The following ZNF475 variants were observed in gnomAD, a reference collection of about 807,000 sequenced individuals.
The protein encoded by ZNF475 is zinc finger protein 475.
the ZNF475 span, among the ~76,000 whole-genome samples, chr5:122,174,565 A>C: frequency 2.6e-5 from 4 of 152,172 alleles, no homozygotes; most frequent in Admixed American, 2.6e-4. Context: ...AGCTTTAGAA[A>C]ATGTAATATA....
chr5:122,160,671 G>C, the ZNF475 span, among the ~76,000 whole-genome samples: 2 of 152,164 alleles, frequency 1.3e-5, no homozygotes, highest in African/African-American at 4.8e-5. Flanking sequence ...ACTTCTGTGA[G>C]AGGAGAGAAT....
chr5:122,171,417 A>G, the ZNF475 span, among the ~76,000 whole-genome samples: 2 of 152,204 alleles, frequency 1.3e-5, no homozygotes, highest in Non-Finnish European at 2.9e-5. Context: ...GTAGACACGT[A>G]TATGTTTTCA....
chr5:122,160,667 G>A, the ZNF475 span, among the ~76,000 whole-genome samples: 138 of 152,260 alleles, frequency 9.1e-4, no homozygotes, highest in East Asian at 0.017. Context: ...TGTAACTTCT[G>A]TGAGAGGAGA....
chr5:122,176,454 C>A, the ZNF475 span, among the ~76,000 whole-genome samples: 3 of 152,076 alleles, frequency 2.0e-5, no homozygotes, highest in Non-Finnish European at 4.4e-5. Flanking sequence ...CTCTAAATTG[C>A]CTTTCTGTAT....
chr5:122,160,773 C>T, the ZNF475 span, among the ~76,000 whole-genome samples: 4 of 152,308 alleles, frequency 2.6e-5, no homozygotes, highest in East Asian at 3.9e-4. Context: ...AACTTAATTT[C>T]ATATGTCTTC....
At chr5:122,176,478 T>C in the ZNF475 span, among the ~76,000 whole-genome samples, 4 of 152,212 alleles carry the variant, frequency 2.6e-5, no homozygotes, top group Non-Finnish European at 5.9e-5. Context: ...TAAGTTTTAT[T>C]TGTACTCTGT....
chr5:122,182,626 C>G, the ZNF475 span: 2 of 1,534,820 alleles, frequency 1.3e-6, no homozygotes, highest in Non-Finnish European at 1.7e-6. Flanking sequence ...TCTTGTAAAC[C>G]CAAAGCCGCC....
the ZNF475 span, among the ~76,000 whole-genome samples, chr5:122,168,836 A>G: frequency 2.6e-5 from 4 of 152,308 alleles, no homozygotes; most frequent in African/African-American, 9.6e-5. Context: ...CCCTCTCTCT[A>G]TCCAAAACAG....
chr5:122,182,642 A>T, the ZNF475 span: 1 of 1,534,326 alleles, frequency 6.5e-7, no homozygotes, highest in African/African-American at 1.4e-5. Flanking sequence ...CCGCCAAGTA[A>T]AGCCCTTTTC....
the ZNF475 span, chr5:122,163,455 C>T: frequency 2.6e-5 from 4 of 152,282 alleles, no homozygotes; most frequent in African/African-American, 4.8e-5. Flanking sequence ...GGGAGGGGAA[C>T]GCTCACTCTT....
At chr5:122,168,198 T>C in the ZNF475 span, among the ~76,000 whole-genome samples, 1 of 152,086 alleles carries the variant, frequency 6.6e-6, no homozygotes, top group African/African-American at 2.4e-5. Flanking sequence ...GCACCTGCCA[T>C]CATGCCCAGC....
the ZNF475 span, among the ~76,000 whole-genome samples, chr5:122,165,262 C>G: frequency 6.6e-6 from 1 of 152,212 alleles, no homozygotes; most frequent in Non-Finnish European, 1.5e-5. Flanking sequence ...AATGCAGTAT[C>G]AAAATCTAGA....
At chr5:122,169,392 A>G in the ZNF475 span, among the ~76,000 whole-genome samples, 5 of 152,156 alleles carry the variant, frequency 3.3e-5, no homozygotes, top group African/African-American at 1.2e-4. Flanking sequence ...TGCCTCCATA[A>G]CTAAGGAGAG....
chr5:122,182,215 T>A, the ZNF475 span, among the ~76,000 whole-genome samples: 1 of 152,188 alleles, frequency 6.6e-6, no homozygotes, highest in African/African-American at 2.4e-5. Flanking sequence ...TGTCTTTCCC[T>A]TTTTAAAATC....
chr5:122,176,142 A>C, the ZNF475 span, among the ~76,000 whole-genome samples: 1 of 152,126 alleles, frequency 6.6e-6, no homozygotes, highest in Non-Finnish European at 1.5e-5. Context: ...TTTTGTCTGC[A>C]TGCCCTGTTT....
the ZNF475 span, among the ~76,000 whole-genome samples, chr5:122,164,019 T>C: frequency 3.3e-5 from 5 of 152,184 alleles, no homozygotes; most frequent in Admixed American, 1.3e-4. Context: ...CCTCAGTCAA[T>C]GACTCAGTCT....
the ZNF475 span, among the ~76,000 whole-genome samples, chr5:122,164,921 G>C: frequency 1.3e-5 from 2 of 152,164 alleles, no homozygotes; most frequent in Non-Finnish European, 2.9e-5. Context: ...CTCAGAGATA[G>C]AGCTTTGGAC....
At chr5:122,179,336 T>C in the ZNF475 span, among the ~76,000 whole-genome samples, 6 of 152,338 alleles carry the variant, frequency 3.9e-5, no homozygotes, top group East Asian at 9.6e-4. Context: ...TTGTGTAGTA[T>C]GGCCGTTTTC....
At chr5:122,164,702 C>G in the ZNF475 span, among the ~76,000 whole-genome samples, 33 of 152,212 alleles carry the variant, frequency 2.2e-4, no homozygotes, top group Non-Finnish European at 4.4e-4. Context: ...TTTTTAAGGA[C>G]CAAAAGTCCA....
Sources: allele counts gnomAD v4.1 joint callset (sites outside exome capture counted in the v4.1 genomes callset), GRCh38; gene constraint gnomAD v4.1.1; transcripts MANE v1.5; gene names NCBI Gene and HGNC (gene_info 2026-07-23, HGNC 2026-07-21).